The following RPH3A variants were observed in gnomAD, a reference collection of about 807,000 sequenced individuals.
The protein encoded by RPH3A is rabphilin-3A.
In RPH3A, 48 loss-of-function variants were observed where a neutral mutation model predicts 102.2. The observed-to-expected ratio is 0.47, with a 90% CI of 0.37 to 0.60. RPH3A has a LOEUF of 0.60. Among genes scored for constraint, RPH3A ranks in the 20% least tolerant of loss-of-function variants. RPH3A has a pLI of 0.00. For synonymous variants in RPH3A, 310 were observed against 324.3 expected, an observed-to-expected ratio of 0.96 and a Z score of 0.47; for missense variants, 781 against 910.1, an observed-to-expected ratio of 0.86 and a Z score of 1.83.
At chr12:112,794,312 G>A (rs983232461) in intron 2 of RPH3A, among the ~76,000 whole-genome samples, 1 of 152,218 alleles carries the variant, frequency 6.6e-6, no homozygotes, top group African/African-American at 2.4e-5. Flanking sequence ...CTGACTATGA[G>A]ATAGGTATGT....
At chr12:112,731,101 G>A (rs2040630703) in intron 1 of RPH3A, among the ~76,000 whole-genome samples, 1 of 152,152 alleles carries the variant, frequency 6.6e-6, no homozygotes, top group Admixed American at 6.5e-5. Flanking sequence ...GTTTTGAGAT[G>A]CTAAATATTG....
At position 112,744,796 on chromosome 12, in the gene RPH3A, C is replaced by T. The variant is rs188597236; in HGVS notation, c.-139-47347C>T. Among the ~76,000 whole-genome samples, 183 of 152,296 alleles carry T rather than the reference C, an allele frequency of 1.2e-3. 1 individual carries two copies. The highest frequency in any genetic ancestry group is 1.1e-3 in the Non-Finnish European group (72 of 68,032). On this transcript the variant is annotated intron_variant, in intron 1 of 21. Transcript: ENST00000543106. Reference sequence around the variant, plus strand: ...CCCTGACTCCAGAAACCAGCCTTTACTCTGTGCTCTGATGTTTGGATTCTT... The same window carrying T: ...CCCTGACTCCAGAAACCAGCCTTTATTCTGTGCTCTGATGTTTGGATTCTT...
At chr12:112,717,539 T>C (rs771253214) in intron 1 of RPH3A, among the ~76,000 whole-genome samples, 3 of 152,166 alleles carry the variant, frequency 2.0e-5, no homozygotes, top group Non-Finnish European at 4.4e-5. Context: ...CATAATGCAT[T>C]TGAGATACAT....
At chr12:112,763,264 A>G (rs780981555) in intron 1 of RPH3A, among the ~76,000 whole-genome samples, 5 of 152,252 alleles carry the variant, frequency 3.3e-5, no homozygotes, top group Non-Finnish European at 7.3e-5. Context: ...TGTGTCCATG[A>G]CAAGAGTCAA....
chr12:112,703,979 C>T (rs2040411152), intron 1 of RPH3A, among the ~76,000 whole-genome samples: 1 of 152,166 alleles, frequency 6.6e-6, no homozygotes, highest in Non-Finnish European at 1.5e-5. Context: ...CCTCCCAGAT[C>T]AGACTTGAGC....
rs939716681 is a variant in RPH3A, at chr12:112,876,958, A to G, written c.1171+92A>G. 7 of 862,188 alleles carry G rather than the reference A, an allele frequency of 8.1e-6. No homozygotes were observed. In the Admixed American group the frequency reaches 1.5e-4, roughly 19 times the overall value. The allele number at this position is 862,188 out of a possible 1,614,324, so 53.4% of individuals were successfully genotyped here. A position where few individuals can be genotyped will look rare whatever the true frequency, so the allele number is the denominator to read the frequency against. Reference sequence around the variant, plus strand: ...GAACGGCTCAGGAACAGCCCTGTCTATCCCCAGACCCCTAATATACCAGAC... The same window carrying G: ...GAACGGCTCAGGAACAGCCCTGTCTGTCCCCAGACCCCTAATATACCAGAC... On this transcript the variant is annotated intron_variant, in intron 13 of 21. Coordinates refer to ENST00000389385, the MANE Select transcript of RPH3A (RefSeq NM_001143854.2).
At chr12:112,835,053 A>G (rs1016876356) in intron 3 of RPH3A, among the ~76,000 whole-genome samples, 1 of 152,084 alleles carries the variant, frequency 6.6e-6, no homozygotes, top group Non-Finnish European at 1.5e-5. Flanking sequence ...TTTTTCTAGG[A>G]TCTAATTTTA....
chr12:112,881,191 G>T (rs1400444247), intron 14 of RPH3A, among the ~76,000 whole-genome samples: 3 of 152,172 alleles, frequency 2.0e-5, no homozygotes, highest in Non-Finnish European at 4.4e-5. Flanking sequence ...TTTGGGGATT[G>T]CTCATTTTAA....
intron 5 of RPH3A, among the ~76,000 whole-genome samples, chr12:112,857,247 G>T (rs1393203137): frequency 6.6e-6 from 1 of 152,166 alleles, no homozygotes; most frequent in Non-Finnish European, 1.5e-5. Flanking sequence ...CCCAAATCAG[G>T]CTCTGGTGAC....
intron 2 of RPH3A, among the ~76,000 whole-genome samples, chr12:112,800,188 G>A (rs548017805): frequency 6.6e-6 from 1 of 152,330 alleles, no homozygotes; most frequent in Admixed American, 6.5e-5. Flanking sequence ...TGATGGGTTG[G>A]GGGAGGGAGG....
At chr12:112,709,057 T>G (rs1371791630) in intron 1 of RPH3A, among the ~76,000 whole-genome samples, 1 of 152,106 alleles carries the variant, frequency 6.6e-6, no homozygotes, top group Non-Finnish European at 1.5e-5. Flanking sequence ...ACCAAAACCC[T>G]AAAACTCTTA....
chr12:112,863,651 G>A (rs2042558987), intron 5 of RPH3A, among the ~76,000 whole-genome samples: 1 of 152,194 alleles, frequency 6.6e-6, no homozygotes, highest in African/African-American at 2.4e-5. Flanking sequence ...CCACTTCCTA[G>A]CTGTGTGACC....
At chr12:112,892,645 C>T (rs2043118308) in intron 19 of RPH3A, among the ~76,000 whole-genome samples, 1 of 152,192 alleles carries the variant, frequency 6.6e-6, no homozygotes, top group Non-Finnish European at 1.5e-5. Context: ...GTAGCTTGTT[C>T]ATCAGTTTTA....
chr12:112,877,431 C>CACACACAT (rs2042825991), intron 13 of RPH3A, among the ~76,000 whole-genome samples: 3 of 151,196 alleles, frequency 2.0e-5, no homozygotes, highest in African/African-American at 7.3e-5. Flanking sequence ...CACACACACA[C>CACACACAT]ACACACACAC....
chr12:112,702,829 A>G (rs1450194051), intron 1 of RPH3A, among the ~76,000 whole-genome samples: 1 of 152,236 alleles, frequency 6.6e-6, no homozygotes, highest in Non-Finnish European at 1.5e-5. Context: ...ACTGATAAAG[A>G]AACTGGTCAA....
intron 1 of RPH3A, among the ~76,000 whole-genome samples, chr12:112,748,438 A>G (rs2040762931): frequency 1.3e-5 from 2 of 152,012 alleles, no homozygotes; most frequent in Admixed American, 1.3e-4. Context: ...GACTCAAGGG[A>G]TCCTCCTGCT....
intron 5 of RPH3A, among the ~76,000 whole-genome samples, chr12:112,851,610 C>T (rs1475699220): frequency 6.6e-6 from 1 of 152,136 alleles, no homozygotes; most frequent in Non-Finnish European, 1.5e-5. Context: ...TTAGCTGTCC[C>T]AGGGAGCCCC....
intron 1 of RPH3A, among the ~76,000 whole-genome samples, chr12:112,773,740 G>A (rs1418201695): frequency 6.6e-6 from 1 of 151,984 alleles, no homozygotes; most frequent in African/African-American, 2.4e-5. Flanking sequence ...CAGGACTGAA[G>A]CTGCTGCTGG....
At chr12:112,818,067 C>T (rs890557534) in intron 2 of RPH3A, among the ~76,000 whole-genome samples, 2 of 152,076 alleles carry the variant, frequency 1.3e-5, no homozygotes, top group African/African-American at 4.8e-5. Context: ...AATCCCAGCA[C>T]TCTGGGAGGC....
Sources: allele counts gnomAD v4.1 joint callset (sites outside exome capture counted in the v4.1 genomes callset), GRCh38; gene constraint gnomAD v4.1.1; transcripts MANE v1.5; gene names NCBI Gene and HGNC (gene_info 2026-07-23, HGNC 2026-07-21).